The following C8A variants were observed in gnomAD, a reference collection of about 807,000 sequenced individuals.
C8A encodes complement component C8 alpha chain.
Under a neutral mutation model 65.3 loss-of-function variants are expected in C8A, and 67 were observed. The ratio of observed to expected loss-of-function variants is 1.03; its 90% CI spans 0.84 to 1.26. The LOEUF (loss-of-function observed/expected upper bound fraction) is 1.26. C8A is among the 50% of genes most tolerant of loss of function. C8A has a pLI of 0.00. For missense variants in C8A, 781 were observed against 723.9 expected (o/e 1.08, Z -0.90); for synonymous variants, 290 against 259.4 (o/e 1.12, Z -1.13).
At chr1:56,885,370 T>TTATATAAATA (rs1553175604) in intron 6 of C8A, among the ~76,000 whole-genome samples, 2 of 68,576 alleles carry the variant, frequency 2.9e-5, no homozygotes, top group African/African-American at 2.3e-4. Context: ...AAATATATAT[T>TTATATAAATA]TATATTTATT....
At chr1:56,872,246 G>T (rs1644153042) in intron 2 of C8A, among the ~76,000 whole-genome samples, 1 of 152,100 alleles carries the variant, frequency 6.6e-6, no homozygotes, top group Non-Finnish European at 1.5e-5. Context: ...ATAATAAAAA[G>T]CTGTAATCAA....
chr1:56,888,712 T>C (rs894752422), intron 7 of C8A, among the ~76,000 whole-genome samples: 1 of 152,090 alleles, frequency 6.6e-6, no homozygotes, highest in Non-Finnish European at 1.5e-5. Context: ...TTTACTCAAG[T>C]GGGTCTTTTA....
chr1:56,906,930 C>A, intron 8 of C8A, 138 bp downstream of exon 8: 2 of 1,025,602 alleles, frequency 2.0e-6, no homozygotes, highest in Non-Finnish European at 3.0e-6. Flanking sequence ...CTAAATACCC[C>A]AAAACAATGA....
At chr1:56,857,998 C>T (rs955923286) in intron 1 of C8A, among the ~76,000 whole-genome samples, 35 of 151,870 alleles carry the variant, frequency 2.3e-4, no homozygotes, top group African/African-American at 7.5e-4. Flanking sequence ...ATTTTTTGTT[C>T]TGCAATGTTT....
rs191171534 is a variant in C8A, at chr1:56,873,375, A to G, written c.172-1574A>G. On this transcript the variant is annotated intron_variant, in intron 2 of 10. Transcript: ENST00000361249. ...TTCAAGGGAAAATGCCATTACACCCATTTCACACACTGGAAGACAGAAGCT... is the reference window on the plus strand; with the variant it reads ...TTCAAGGGAAAATGCCATTACACCCGTTTCACACACTGGAAGACAGAAGCT... Among the ~76,000 whole-genome samples the G allele has an allele frequency of 2.8e-3, 425 of 152,266 alleles. 2 individuals are homozygous for G. Among genetic ancestry groups the G allele is most frequent in the Non-Finnish European group, 4.6e-3 (316 of 68,034 alleles).
In C8A at chr1:56,904,033, A is replaced by G. The variant is rs778623914; in HGVS notation, c.1097-2634A>G. ...CAATGGCAGAGGATTGTCTAGTTCC[A>G]TGAATATAGTCAGTCTATCCACACT... On this transcript the variant is annotated intron_variant, in intron 7 of 10. Transcript: ENST00000361249. Among the ~76,000 whole-genome samples the G allele has an allele frequency of 2.6e-5, 4 of 152,192 alleles. No homozygotes were observed. In the South Asian group the frequency reaches 8.3e-4, roughly 31 times the overall value.
chr1:56,886,165 T>C lies in C8A; in HGVS notation c.1094T>C (p.Leu365Pro). 2 of 1,613,840 alleles carry C rather than the reference T, an allele frequency of 1.2e-6. No homozygotes were observed. Among genetic ancestry groups the C allele is most frequent in the Non-Finnish European group, 8.5e-7 (1 of 1,179,904 alleles). The change falls in exon 7 of 11, where the codon CTT becomes CCT. Residue 365 changes from leucine (L) to proline (P), a missense_variant and splice_region_variant. By Grantham distance (98) the Leu-to-Pro change is moderately conservative. Transcript: ENST00000361249. ...LVIDKAKMES[L>P]GITSRDITTC... Reference sequence around the variant, plus strand: ...ATTGACAAAGCAAAAATGGAATCCCTTGGTAAGTAAAGCAGAAGCTCTATG... The same window carrying C: ...ATTGACAAAGCAAAAATGGAATCCCCTGGTAAGTAAAGCAGAAGCTCTATG...
chr1:56,917,514 C>A (rs1644561969), intron 10 of C8A, 51 bp from the exon 11 acceptor site: 2 of 1,604,806 alleles, frequency 1.2e-6, no homozygotes, highest in African/African-American at 2.7e-5. Context: ...ACAGGCCCTT[C>A]CTTCTTAGCC....
chr1:56,882,000 T>C (rs1263322312), intron 5 of C8A, among the ~76,000 whole-genome samples: 3 of 152,140 alleles, frequency 2.0e-5, no homozygotes. Context: ...TTCTAATCTG[T>C]AGAGTGTGGG....
chr1:56,908,684 C>G (rs1644485155), intron 9 of C8A, among the ~76,000 whole-genome samples: 1 of 152,180 alleles, frequency 6.6e-6, no homozygotes, highest in African/African-American at 2.4e-5. Flanking sequence ...TCTCATCTCT[C>G]CATTAGAGGA....
intron 1 of C8A, among the ~76,000 whole-genome samples, chr1:56,862,511 G>A (rs1480818080): frequency 6.6e-6 from 1 of 152,142 alleles, no homozygotes; most frequent in African/African-American, 2.4e-5. Flanking sequence ...TCATCCAAAT[G>A]TATTTGACCA....
At chr1:56,899,943 C>A (rs866144556) in intron 7 of C8A, among the ~76,000 whole-genome samples, 1 of 152,208 alleles carries the variant, frequency 6.6e-6, no homozygotes, top group African/African-American at 2.4e-5. Context: ...ACAGGGGTGG[C>A]ATTCCAGCTC....
intron 2 of C8A, among the ~76,000 whole-genome samples, chr1:56,873,533 T>C (rs951291529): frequency 6.6e-6 from 1 of 152,072 alleles, no homozygotes; most frequent in Non-Finnish European, 1.5e-5. Context: ...TCACTATAAT[T>C]AGGTAAGTCA....
In C8A at chr1:56,917,608, T is replaced by C; in HGVS notation, c.1647T>C (p.Ser549=). 6.2e-7 allele frequency: 1 copy of C among 1,614,138 alleles called. No individual in the cohort carries two copies. The highest frequency in any genetic ancestry group is 8.5e-7 in the Non-Finnish European group (1 of 1,180,018). The change falls in exon 11 of 11, where the codon TCT becomes TCC. Residue 549 remains serine, a synonymous_variant. Transcript: ENST00000361249. ...GCTGGAGTTGCTGGAGCTCCTGGTCTGTATGCAGAGCAGGCATCCAGGAAA... is the reference window on the plus strand; with the variant it reads ...GCTGGAGTTGCTGGAGCTCCTGGTCCGTATGCAGAGCAGGCATCCAGGAAA... The part of the protein sequence containing the change: ...DGSWSCWSSW[S]VCRAGIQERR...
At chr1:56,914,410 G>T (rs1316172903) in intron 10 of C8A, among the ~76,000 whole-genome samples, 1 of 152,146 alleles carries the variant, frequency 6.6e-6, no homozygotes, top group Non-Finnish European at 1.5e-5. Flanking sequence ...CTGAGTCTCT[G>T]ACCTAAACAA....
intron 1 of C8A, among the ~76,000 whole-genome samples, chr1:56,856,531 T>C (rs1643977603): frequency 6.6e-6 from 1 of 152,158 alleles, no homozygotes. Context: ...GGCATGGATC[T>C]TTCTGATCAG....
chr1:56,883,466 C>A lies in C8A; in HGVS notation c.655-15C>A. 1 of 1,599,706 alleles carries A rather than the reference C, an allele frequency of 6.3e-7. No homozygotes were observed. The highest frequency in any genetic ancestry group is 8.6e-7 in the Non-Finnish European group (1 of 1,167,398). ...CTATGTGCACAAAGCTAATATCTAT[C>A]CTTTTTTTTTTCAGGCCCTGGCAGA... On this transcript the variant is annotated splice_polypyrimidine_tract_variant and intron_variant, in intron 5 of 10. Coordinates refer to ENST00000361249, the MANE Select transcript of C8A (RefSeq NM_000562.3).
intron 3 of C8A, 103 bp from the exon 4 acceptor site, chr1:56,875,959 A>C (rs1435146000): frequency 1.0e-5 from 15 of 1,437,752 alleles, no homozygotes; most frequent in Admixed American, 3.9e-5. Context: ...AGAATGGGAC[A>C]GATGGGAGGT....
In C8A at chr1:56,876,225, C is replaced by G; in HGVS notation, c.464+16C>G. ...CAGCCTTGGGGTGAGGCCCTGCCTA[C>G]TAGCTATTTAGGAGCAGGGAATGAT... On this transcript the variant is annotated intron_variant, in intron 4 of 10. Transcript: ENST00000361249. The G allele has an allele frequency of 6.2e-7, 1 of 1,613,536 alleles. No homozygotes were observed. Among genetic ancestry groups the G allele is most frequent in the South Asian group, 1.1e-5 (1 of 91,070 alleles).
Sources: allele counts gnomAD v4.1 joint callset (sites outside exome capture counted in the v4.1 genomes callset), GRCh38; gene constraint gnomAD v4.1.1; transcripts MANE v1.5; gene names NCBI Gene and HGNC (gene_info 2026-07-23, HGNC 2026-07-21).